RBMS3: variants seen among roughly 807,000 people sequenced by gnomAD.
RBMS3 encodes the protein RNA-binding motif, single-stranded-interacting protein 3.
RBMS3 carries 27 observed loss-of-function variants against 66.8 expected under a neutral mutation model. That is an observed-to-expected ratio of 0.40 (90% CI 0.30 to 0.56). The LOEUF is 0.56. Ranked by LOEUF, RBMS3 falls within the 20% of genes least tolerant of loss-of-function variation. The probability of loss-of-function intolerance (pLI) is 0.40; values close to 1 mark genes in which losing one functional copy is unlikely to be tolerated. For synonymous variants in RBMS3, 188 were observed against 183.0 expected (o/e 1.03, Z -0.22); for missense variants, 513 against 549.5 (o/e 0.93, Z 0.66).
At chr3:29,764,121 T>A (rs2055821610) in intron 6 of RBMS3, among the ~76,000 whole-genome samples, 1 of 113,996 alleles carries the variant, frequency 8.8e-6, no homozygotes, top group African/African-American at 3.9e-5. Flanking sequence ...TTGCTTTTTT[T>A]AAGGGGGGAT....
chr3:29,594,191 A>G (rs2047864542), intron 4 of RBMS3, among the ~76,000 whole-genome samples: 2 of 152,190 alleles, frequency 1.3e-5, no homozygotes, highest in South Asian at 2.1e-4. Context: ...GAAGAGTTGC[A>G]TAAACTACCA....
intron 3 of RBMS3, among the ~76,000 whole-genome samples, chr3:29,524,415 A>ATTTTTTTATTTTTTTTT (rs2044993514): frequency 1.8e-5 from 1 of 57,074 alleles, no homozygotes; most frequent in East Asian, 6.3e-4. Context: ...CTCCCTTTAC[A>ATTTTTTTATTTTTTTTT]TTTTTTTTTT....
chr3:29,401,893 C>T (rs116003848), intron 1 of RBMS3, among the ~76,000 whole-genome samples: 90 of 152,028 alleles, frequency 5.9e-4, no homozygotes, highest in African/African-American at 2.0e-3. Flanking sequence ...TTTTTTAAAA[C>T]TTGAAAAGGG....
intron 6 of RBMS3, among the ~76,000 whole-genome samples, chr3:29,793,732 C>G (rs760363422): frequency 1.4e-4 from 21 of 152,194 alleles, no homozygotes; most frequent in Non-Finnish European, 2.6e-4. Flanking sequence ...GTGGCTTACA[C>G]GCTGTTTCAG....
intron 1 of RBMS3, among the ~76,000 whole-genome samples, chr3:29,286,831 CA>C (rs1470099517): frequency 6.6e-6 from 1 of 151,726 alleles, no homozygotes; most frequent in East Asian, 1.9e-4. Flanking sequence ...ACCAAAACAA[CA>C]AAAAAAGTAT....
intron 6 of RBMS3, among the ~76,000 whole-genome samples, chr3:29,811,869 G>A (rs1204781019): frequency 6.6e-6 from 1 of 152,138 alleles, no homozygotes; most frequent in Non-Finnish European, 1.5e-5. Flanking sequence ...ATGGTTGCTG[G>A]TGATTGCTGA....
At chr3:29,502,476 A>G (rs1447070734) in intron 3 of RBMS3, among the ~76,000 whole-genome samples, 1 of 152,112 alleles carries the variant, frequency 6.6e-6, no homozygotes, top group Non-Finnish European at 1.5e-5. Flanking sequence ...TTGAGTTCGC[A>G]TAAAGGCAGA....
At chr3:29,791,288 A>G (rs1037967646) in intron 6 of RBMS3, among the ~76,000 whole-genome samples, 2 of 152,114 alleles carry the variant, frequency 1.3e-5, no homozygotes, top group South Asian at 2.1e-4. Context: ...AGTCAATCCT[A>G]TTTTTTATGT....
At chr3:29,479,909 G>A (rs998945497) in intron 2 of RBMS3, among the ~76,000 whole-genome samples, 4 of 152,214 alleles carry the variant, frequency 2.6e-5, no homozygotes, top group Admixed American at 2.0e-4. Context: ...TGTCACATCA[G>A]TTGAAGCGTA....
intron 1 of RBMS3, among the ~76,000 whole-genome samples, chr3:29,415,050 G>A (rs1166009461): frequency 1.3e-5 from 2 of 152,180 alleles, no homozygotes; most frequent in African/African-American, 2.4e-5. Flanking sequence ...AGACCATTTA[G>A]ATGTGAGTGG....
At chr3:29,552,802 T>C (rs1359423797) in intron 3 of RBMS3, among the ~76,000 whole-genome samples, 7 of 152,316 alleles carry the variant, frequency 4.6e-5, no homozygotes, top group Admixed American at 3.9e-4. Flanking sequence ...CTTGTTCAAC[T>C]TCTTAGGGCA....
intron 3 of RBMS3, among the ~76,000 whole-genome samples, chr3:29,583,696 G>T (rs2149088100): frequency 6.6e-6 from 1 of 152,154 alleles, no homozygotes; most frequent in East Asian, 1.9e-4. Context: ...TCTCAGGAAT[G>T]TTATTCTATA....
At chr3:29,618,754 A>G (rs2048761285) in intron 4 of RBMS3, among the ~76,000 whole-genome samples, 1 of 152,224 alleles carries the variant, frequency 6.6e-6, no homozygotes. Flanking sequence ...TGATAACTCA[A>G]CAATTCTTTC....
intron 2 of RBMS3, among the ~76,000 whole-genome samples, chr3:29,456,761 A>G (rs768315417): frequency 1.3e-5 from 2 of 152,228 alleles, no homozygotes; most frequent in African/African-American, 4.8e-5. Context: ...AAGTGTGTTC[A>G]ATGTAAAAAT....
chr3:29,292,888 A>G (rs1482481496), intron 1 of RBMS3, among the ~76,000 whole-genome samples: 1 of 151,870 alleles, frequency 6.6e-6, no homozygotes, highest in Non-Finnish European at 1.5e-5. Flanking sequence ...AAGGTCATTT[A>G]CAAACAGAAG....
At chr3:29,511,076 A>G (rs1257664961) in intron 3 of RBMS3, among the ~76,000 whole-genome samples, 1 of 152,170 alleles carries the variant, frequency 6.6e-6, no homozygotes, top group African/African-American at 2.4e-5. Context: ...AGGTGGGTGG[A>G]TCACTAGGTG....
intron 3 of RBMS3, among the ~76,000 whole-genome samples, chr3:29,578,367 CT>C (rs150054414): frequency 1.3e-5 from 2 of 152,014 alleles, no homozygotes; most frequent in African/African-American, 4.8e-5. Context: ...CATATAAGTG[CT>C]TTTTTTATTT....
At chr3:29,891,820 G>A (rs143172821) in intron 8 of RBMS3, among the ~76,000 whole-genome samples, 3 of 151,602 alleles carry the variant, frequency 2.0e-5, no homozygotes, top group African/African-American at 2.4e-5. Flanking sequence ...TGAAGGATAC[G>A]TTGGTATTAC....
chr3:29,828,084 GAGAGAGAGAGAC>G (rs1478415670), intron 6 of RBMS3, among the ~76,000 whole-genome samples: 2 of 151,924 alleles, frequency 1.3e-5, no homozygotes, highest in Admixed American at 1.3e-4. Context: ...GTGTGTGAGA[GAGAGAGAGAGAC>G]AGAGAGAATG....
Sources: allele counts gnomAD v4.1 joint callset (sites outside exome capture counted in the v4.1 genomes callset), GRCh38; gene constraint gnomAD v4.1.1; transcripts MANE v1.5; gene names NCBI Gene and HGNC (gene_info 2026-07-23, HGNC 2026-07-21).